CDK14: variants seen among roughly 807,000 people sequenced by gnomAD.
CDK14 encodes the protein cyclin dependent kinase 14.
In CDK14, 34 loss-of-function variants were observed where a neutral mutation model predicts 60.7. The observed-to-expected ratio is 0.56, with a 90% CI of 0.43 to 0.75. The LOEUF is 0.75. Among genes scored for constraint, CDK14 ranks in the 30% least tolerant of loss-of-function variants. CDK14 has a pLI of 0.00. For synonymous variants in CDK14, 197 were observed against 203.7 expected (o/e 0.97, Z 0.28); for missense variants, 482 against 564.1 (o/e 0.85, Z 1.47).
chr7:90,623,014 T>C (rs1362345737), intron 2 of CDK14, among the ~76,000 whole-genome samples: 3 of 150,882 alleles, frequency 2.0e-5, no homozygotes, highest in African/African-American at 4.8e-5. Flanking sequence ...GTAATGAATA[T>C]TCATAGTTTC....
At chr7:91,090,515 G>C (rs1005742671) in intron 12 of CDK14, among the ~76,000 whole-genome samples, 1 of 152,068 alleles carries the variant, frequency 6.6e-6, no homozygotes, top group Non-Finnish European at 1.5e-5. Flanking sequence ...CATGTGGCTA[G>C]AGACTACCAA....
rs1554358065 is a variant in CDK14, at chr7:90,863,698, T to TTTG, written c.639+430_639+431insTGT. 2.2e-3 allele frequency among the ~76,000 whole-genome samples: 130 copies of TTTG among 58,518 alleles called. 1 individual carries two copies. Among genetic ancestry groups the TTTG allele is most frequent in the African/African-American group, 5.6e-3 (105 of 18,668 alleles). 38.4% of individuals were successfully genotyped at this position (58,518 alleles called of 152,430 possible). On this transcript the variant is annotated intron_variant, in intron 6 of 14. Coordinates refer to ENST00000380050, the MANE Select transcript of CDK14 (RefSeq NM_001287135.2). ...TGTGTGTGTGTGTGTGTGTGTGTGT[T>TTTG]TGTGTGTGTGTGTGTAGGAAAGCCT... is the stretch of plus-strand genomic sequence containing the variant.
At chr7:91,040,565 A>G (rs1001516273) in intron 10 of CDK14, among the ~76,000 whole-genome samples, 2 of 152,240 alleles carry the variant, frequency 1.3e-5, no homozygotes, top group Admixed American at 1.3e-4. Flanking sequence ...AGCTGAGTCC[A>G]TTTAAAATCC....
At chr7:90,729,535 A>G (rs539375452) in intron 3 of CDK14, among the ~76,000 whole-genome samples, 3 of 151,546 alleles carry the variant, frequency 2.0e-5, no homozygotes, top group Non-Finnish European at 4.4e-5. Context: ...AGAGATAAAT[A>G]CATGTTTTCA....
intron 2 of CDK14, among the ~76,000 whole-genome samples, chr7:90,619,771 G>T (rs900782578): frequency 6.6e-6 from 1 of 152,184 alleles, no homozygotes; most frequent in Non-Finnish European, 1.5e-5. Context: ...CGAGGTGGGC[G>T]CATTGCTTGA....
At chr7:90,831,584 T>G (rs924188916) in intron 5 of CDK14, among the ~76,000 whole-genome samples, 8 of 152,220 alleles carry the variant, frequency 5.3e-5, no homozygotes, top group Non-Finnish European at 1.0e-4. Context: ...TCAGTACATT[T>G]AGTGGCTCCA....
At chr7:90,814,118 T>G (rs1174639101) in intron 5 of CDK14, among the ~76,000 whole-genome samples, 9 of 152,226 alleles carry the variant, frequency 5.9e-5, no homozygotes, top group Non-Finnish European at 2.9e-5. Context: ...TGATACCTCC[T>G]AGTCTCAAAG....
intron 10 of CDK14, among the ~76,000 whole-genome samples, chr7:91,006,384 C>G (rs1795979061): frequency 6.6e-6 from 1 of 152,166 alleles, no homozygotes; most frequent in African/African-American, 2.4e-5. Flanking sequence ...AGAGAGAAAG[C>G]CATTTAACAT....
At chr7:91,185,830 A>G (rs1584188842) in intron 14 of CDK14, among the ~76,000 whole-genome samples, 1 of 152,048 alleles carries the variant, frequency 6.6e-6, no homozygotes, top group African/African-American at 2.4e-5. Context: ...CATCGCCACA[A>G]TCTAATTCCA....
At chr7:91,192,061 C>T (rs1802379784) in intron 14 of CDK14, among the ~76,000 whole-genome samples, 1 of 152,164 alleles carries the variant, frequency 6.6e-6, no homozygotes, top group South Asian at 2.1e-4. Context: ...CTACCAAACC[C>T]TCTCACAGAG....
chr7:90,995,923 T>C (rs1795670507), intron 10 of CDK14, among the ~76,000 whole-genome samples: 1 of 152,236 alleles, frequency 6.6e-6, no homozygotes, highest in Non-Finnish European at 1.5e-5. Flanking sequence ...AGAACTCTAC[T>C]CTAAAAGATA....
chr7:91,161,595 T>C (rs1801170058), intron 14 of CDK14, among the ~76,000 whole-genome samples: 2 of 152,236 alleles, frequency 1.3e-5, no homozygotes, highest in South Asian at 2.1e-4. Context: ...ATCATGCTTT[T>C]ACAGTGAAGT....
intron 10 of CDK14, among the ~76,000 whole-genome samples, chr7:91,015,521 G>GTTTTTTTTTTTT (rs10710645): frequency 6.4e-5 from 5 of 77,674 alleles, no homozygotes; most frequent in South Asian, 5.7e-4. Context: ...TATGTCTTGG[G>GTTTTTTTTTTTT]TTTTTTTTTT....
At chr7:90,907,755 G>A (rs1276523874) in intron 7 of CDK14, among the ~76,000 whole-genome samples, 1 of 152,044 alleles carries the variant, frequency 6.6e-6, no homozygotes, top group East Asian at 1.9e-4. Context: ...AGGATAGGAG[G>A]TTTATTATGG....
intron 5 of CDK14, among the ~76,000 whole-genome samples, chr7:90,836,801 G>A (rs2117129800): frequency 6.6e-6 from 1 of 152,320 alleles, no homozygotes; most frequent in East Asian, 1.9e-4. Flanking sequence ...GACCTACAAT[G>A]TTATCATGAC....
intron 12 of CDK14, among the ~76,000 whole-genome samples, chr7:91,092,810 T>C (rs1243797807): frequency 2.0e-5 from 3 of 152,226 alleles, no homozygotes; most frequent in African/African-American, 7.2e-5. Context: ...AAATACATCC[T>C]GCAGATTTGT....
chr7:90,883,438 A>C (rs1049866664), intron 6 of CDK14, among the ~76,000 whole-genome samples: 12 of 152,222 alleles, frequency 7.9e-5, no homozygotes, highest in Admixed American at 1.3e-4. Context: ...ACAAGTTCTG[A>C]AATTGAGGCA....
chr7:90,919,707 T>G (rs1391937348), intron 8 of CDK14, among the ~76,000 whole-genome samples: 2 of 152,232 alleles, frequency 1.3e-5, no homozygotes, highest in Admixed American at 6.5e-5. Flanking sequence ...TTTATTAAGA[T>G]TGACAAAATC....
chr7:91,096,065 C>CAAAAAAAAAAAAAA (rs112016367), intron 12 of CDK14, among the ~76,000 whole-genome samples: 1 of 64,556 alleles, frequency 1.5e-5, no homozygotes, highest in African/African-American at 6.4e-5. Context: ...CACAATTTGC[C>CAAAAAAAAAAAAAA]AAAAAAAAAA....
Sources: gnomAD v4.1 joint callset for allele counts (sites outside exome capture counted in the v4.1 genomes callset) on GRCh38, gnomAD v4.1.1 for gene constraint, MANE v1.5 for transcripts, NCBI Gene and HGNC (gene_info 2026-07-23, HGNC 2026-07-21) for gene names.